The following CDCA7 variants were observed in gnomAD, a reference collection of about 807,000 sequenced individuals.
CDCA7 encodes cell division cycle associated 7, also known as cell division cycle-associated protein 7.
A neutral mutation model predicts 54.0 loss-of-function variants in CDCA7; 28 were observed. That is an observed-to-expected ratio of 0.52 (90% confidence interval 0.38 to 0.71). The LOEUF (loss-of-function observed/expected upper bound fraction) is 0.71, where lower values mean the gene tolerates loss of function less well. CDCA7 is among the 30% of genes least tolerant of loss of function. CDCA7 has a pLI of 0.00. For synonymous variants in CDCA7, 180 were observed against 208.2 expected (o/e 0.86, Z 1.16); for missense variants, 484 against 586.0 (o/e 0.83, Z 1.80).
chr2:173,359,960 C>T (rs981495693), intron 3 of CDCA7, among the ~76,000 whole-genome samples: 1 of 152,186 alleles, frequency 6.6e-6, no homozygotes, highest in Non-Finnish European at 1.5e-5. Flanking sequence ...AGGGCCCTTC[C>T]TGCTGCTACT....
rs770948684 is a variant in CDCA7 at position 173,364,826 on chromosome 2, C to T, written c.731C>T (p.Pro244Leu). 2.2e-5 allele frequency: 36 copies of T among 1,610,452 alleles called. No individual in the cohort carries two copies. The Middle Eastern group carries it at 5.0e-4, about 22-fold the overall frequency. The change falls in exon 6 of 10, where the codon CCG (proline) becomes CTG (leucine). Residue 244 changes from proline (P) to leucine (L), a missense_variant. Pro to Leu is a moderately conservative substitution (Grantham distance 98, BLOSUM62 -3). Transcript: ENST00000306721. ...AGGAGACCGCGAAGGCGTACATTCC[C>T]GGGTGTTGCTTCCAGGAGAAACCCT... Reference protein sequence around the residue: ...QSRRPRRRTFPGVASRRNPER... With the variant: ...QSRRPRRRTFLGVASRRNPER...
Position 173,358,179 on chromosome 2 carries a change from G to A in CDCA7, c.22-533G>A, listed in dbSNP as rs58303873. ...CGCGCCACTGCACTCCAGCCTGGGC[G>A]ACACAGCGAGACTCCGTCTCAAAAA... On this transcript the variant is annotated intron_variant, in intron 1 of 9. Transcript: ENST00000306721. Among the ~76,000 whole-genome samples, 55 of 139,010 alleles carry A rather than the reference G, an allele frequency of 4.0e-4. No homozygotes were observed. In the East Asian group the frequency reaches 7.5e-3, roughly 19 times the overall value. The allele number at this position is 139,010 out of a possible 152,430, so 91.2% of individuals were successfully genotyped here. A position where few individuals can be genotyped will look rare whatever the true frequency, so the allele number is the denominator to read the frequency against.
At chr2:173,355,119 G>A (rs1353791352) in intron 1 of CDCA7, 135 bp downstream of exon 1, 3 of 1,050,698 alleles carry the variant, frequency 2.9e-6, no homozygotes, top group African/African-American at 1.7e-5. Context: ...GCCCGCTTGG[G>A]CAAGCCCCTG....
At chr2:173,355,061 C>T in intron 1 of CDCA7, 77 bp downstream of exon 1, 1 of 1,263,108 alleles carries the variant, frequency 7.9e-7, no homozygotes, top group South Asian at 2.8e-5. Context: ...CGACCCTCTC[C>T]AACTCCGCAG....
intron 3 of CDCA7, among the ~76,000 whole-genome samples, chr2:173,359,726 A>G (rs1198432592): frequency 1.3e-5 from 2 of 152,218 alleles, no homozygotes; most frequent in African/African-American, 4.8e-5. Context: ...GTAAGATAAA[A>G]TTGGCCAATC....
At chr2:173,355,809 G>A (rs1198127857) in intron 1 of CDCA7, among the ~76,000 whole-genome samples, 1 of 152,034 alleles carries the variant, frequency 6.6e-6, no homozygotes, top group Admixed American at 6.6e-5. Context: ...TGGGTGAAAC[G>A]GAAGACAATG....
chr2:173,366,253 T>A lies in CDCA7; in HGVS notation c.1036-30T>A. ...CTCTGTTGAAAAACAGTGGTTTTTT[T>A]TGTTTTTTTTCTTAATGGCTTATTT... On this transcript the variant is annotated intron_variant, in intron 7 of 9. Coordinates refer to ENST00000306721, the MANE Select transcript of CDCA7 (RefSeq NM_031942.5). The surrounding 1 kb of genome is among the most constrained non-coding windows in gnomAD (Gnocchi z 4.5). The A allele has an allele frequency of 1.4e-6, 2 of 1,471,746 alleles. No homozygotes were observed. Among genetic ancestry groups the A allele is most frequent in the Non-Finnish European group, 1.8e-6 (2 of 1,113,324 alleles). The allele number at this position is 1,471,746 out of a possible 1,614,324, so 91.2% of individuals were successfully genotyped here. A position where few individuals can be genotyped will look rare whatever the true frequency, so the allele number is the denominator to read the frequency against.
intron 3 of CDCA7, among the ~76,000 whole-genome samples, chr2:173,362,299 G>A (rs372326174): frequency 6.6e-6 from 1 of 152,154 alleles, no homozygotes; most frequent in South Asian, 2.1e-4. Flanking sequence ...TGCCAGGGGC[G>A]GAGGGAAAGA....
Position 173,368,672 on chromosome 2 carries a change from C to A in CDCA7, c.*1008C>A, listed in dbSNP as rs1367087823. Reference sequence around the variant, plus strand: ...CCTGACATCTCTGCCAGTCTAGTTTCTGGGCAGGTTTCCTGTGTCAGTATT... The same window carrying A: ...CCTGACATCTCTGCCAGTCTAGTTTATGGGCAGGTTTCCTGTGTCAGTATT... On this transcript the variant is annotated 3_prime_UTR_variant, in exon 10 of 10. Transcript: ENST00000306721. The A allele has an allele frequency of 6.6e-6, 1 of 152,126 alleles. No homozygotes were observed. The highest frequency in any genetic ancestry group is 1.5e-5 in the Non-Finnish European group (1 of 68,032). The allele number at this position is 152,126 out of a possible 1,614,324, so 9.4% of individuals were successfully genotyped here.
chr2:173,359,602 T>A, intron 3 of CDCA7, 111 bp downstream of exon 3: 1 of 937,340 alleles, frequency 1.1e-6, no homozygotes, highest in Non-Finnish European at 1.6e-6. Flanking sequence ...CAGCAGACTT[T>A]GTTGACCTTT....
rs1314132889 is a variant in CDCA7 at position 173,358,836 on chromosome 2, CG to C, written c.147+1del. On this transcript the variant is annotated frameshift_variant and splice_region_variant, in exon 2 of 10. Transcript: ENST00000306721. LOFTEE classifies it high-confidence loss of function. The stretch of plus-strand genomic sequence containing the variant: ...TTTGCTTCTGATAATTTTGCAAACA[CG>C]GTAAGTGCTGCCTGAGAATAAACAG... ...DSFASDNFANTKPKFRSDISE... is the reference protein window; with the variant it reads ...DSFASDNFANXKPKFRSDISE... 6.2e-7 allele frequency: 1 copy of C among 1,612,136 alleles called. No individual in the cohort carries two copies. The highest frequency in any genetic ancestry group is 1.7e-5 in the Admixed American group (1 of 59,794).
intron 3 of CDCA7, among the ~76,000 whole-genome samples, chr2:173,362,568 A>AT (rs1236737737): frequency 2.6e-5 from 3 of 117,484 alleles, no homozygotes; most frequent in Admixed American, 2.1e-4. Flanking sequence ...AGGGGAACAC[A>AT]TTTTTTTCCC....
chr2:173,366,254 T>G lies in CDCA7; in HGVS notation c.1036-29T>G, dbSNP rs774666177. 65 of 1,190,188 alleles carry G rather than the reference T, an allele frequency of 5.5e-5. 1 individual carries two copies. In the African/African-American group the frequency reaches 1.3e-3, roughly 25 times the overall value. The allele number at this position is 1,190,188 out of a possible 1,614,324, so 73.7% of individuals were successfully genotyped here. A position where few individuals can be genotyped will look rare whatever the true frequency, so the allele number is the denominator to read the frequency against. On this transcript the variant is annotated intron_variant, in intron 7 of 9. Coordinates refer to ENST00000306721, the MANE Select transcript of CDCA7 (RefSeq NM_031942.5). This position sits in a 1 kb window ranked among gnomAD's most constrained non-coding sequence, Gnocchi z 4.5. ...TCTGTTGAAAAACAGTGGTTTTTTT[T>G]GTTTTTTTTCTTAATGGCTTATTTG...
chr2:173,365,560 A>G lies in CDCA7; in HGVS notation c.1003A>G (p.Asn335Asp). Residue 335 changes from asparagine (N) to aspartate (D), a missense_variant, in exon 7 of 10, where the codon AAT becomes GAT. Physicochemically the swap from Asn to Asp is conservative, Grantham distance 23. This residue lies in a region of CDCA7 where 398 missense variants were observed against 447.4 expected (regional missense o/e 0.89). Coordinates refer to ENST00000306721, the MANE Select transcript of CDCA7 (RefSeq NM_031942.5). The stretch of plus-strand genomic sequence containing the variant: ...GGAGGAGTTGGAGAACGTCTGCAGC[A>G]ATTCTCGAGAGAAGATATATAACCG... ...TEEELENVCS[N>D]SREKIYNRSL... The G allele has an allele frequency of 6.2e-7, 1 of 1,614,184 alleles. No individual in the cohort carries two copies.
At chr2:173,355,353 T>C (rs1390681744) in intron 1 of CDCA7, among the ~76,000 whole-genome samples, 1 of 152,170 alleles carries the variant, frequency 6.6e-6, no homozygotes, top group Non-Finnish European at 1.5e-5. Flanking sequence ...CCTGGGAGGT[T>C]GTCCCGCAGC....
chr2:173,355,624 C>T (rs1276142949), intron 1 of CDCA7, among the ~76,000 whole-genome samples: 2 of 152,144 alleles, frequency 1.3e-5, no homozygotes, highest in Admixed American at 1.3e-4. Flanking sequence ...TCAAAGCGTT[C>T]GCCGACCATT....
intron 4 of CDCA7, 75 bp downstream of exon 4, chr2:173,363,537 C>T (rs1686663613): frequency 2.2e-6 from 3 of 1,390,842 alleles, no homozygotes; most frequent in Non-Finnish European, 3.0e-6. Flanking sequence ...TTCCATCACG[C>T]AAAAGTTATT....
chr2:173,365,429 G>A, intron 6 of CDCA7, 23 bp from the exon 7 acceptor site: 7 of 1,586,244 alleles, frequency 4.4e-6, no homozygotes, highest in Non-Finnish European at 6.0e-6. Context: ...GAAGTTCTGT[G>A]TTTTGTATTC....
Position 173,364,932 on chromosome 2 carries a change from G to GGAA in CDCA7, c.840_842dup (p.Glu281dup). The GGAA allele has an allele frequency of 6.2e-7, 1 of 1,607,906 alleles. No homozygotes were observed. The highest frequency in any genetic ancestry group is 1.1e-5 in the South Asian group (1 of 89,848). Reference sequence around the variant, plus strand: ...ACGCTCTACCCATGGAGGAGGAGGAGGAAGAGGATAAGTACATGTTGGTGA... The same window carrying GGAA: ...ACGCTCTACCCATGGAGGAGGAGGAGGAAGAAGAGGATAAGTACATGTTGGTGA... On this transcript the variant is annotated inframe_insertion, in exon 6 of 10. Transcript: ENST00000306721.
Sources: gnomAD v4.1 joint callset for allele counts (sites outside exome capture counted in the v4.1 genomes callset) on GRCh38, gnomAD v4.1.1 for gene constraint, gnomAD v4.1.1 regional missense constraint, Gnocchi (gnomAD v3.1) non-coding constraint, MANE v1.5 for transcripts, NCBI Gene and HGNC (gene_info 2026-07-23, HGNC 2026-07-21) for gene names.